Variants in MECOM observed in about 807,000 individuals in gnomAD.
MECOM encodes the protein histone-lysine N-methyltransferase MECOM.
MECOM carries 13 observed loss-of-function variants against 116.3 expected under a neutral mutation model. The observed-to-expected ratio is 0.11, with a 90% confidence interval of 0.07 to 0.18. MECOM has a LOEUF of 0.18. MECOM is among the 10% of genes least tolerant of loss of function. MECOM has a pLI of 1.00. For synonymous variants in MECOM, 528 were observed against 535.2 expected, an observed-to-expected ratio of 0.99 and a Z score of 0.19; for missense variants, 1,299 against 1,509.0, an observed-to-expected ratio of 0.86 and a Z score of 2.31.
At chr3:169,429,608 G>A (rs1219624706) in intron 1 of MECOM, among the ~76,000 whole-genome samples, 1 of 152,124 alleles carries the variant, frequency 6.6e-6, no homozygotes, top group African/African-American at 2.4e-5. Context: ...TTGAAAATTC[G>A]GCTCTAGAAA....
At chr3:169,240,015 A>T (rs1754588440) in intron 2 of MECOM, among the ~76,000 whole-genome samples, 1 of 152,228 alleles carries the variant, frequency 6.6e-6, no homozygotes, top group African/African-American at 2.4e-5. Context: ...CTACATTTTC[A>T]TAAAGTAGAA....
In MECOM at chr3:169,484,116, T is replaced by C. The variant is rs867479885; in HGVS notation, c.38-102592A>G. 3.7e-6 allele frequency: 3 copies of C among 816,750 alleles called. No homozygotes were observed. In the African/African-American group the frequency reaches 5.1e-5, roughly 14 times the overall value. 50.6% of individuals were successfully genotyped at this position (816,750 alleles called of 1,614,324 possible). On this transcript the variant is annotated intron_variant, in intron 1 of 16. Coordinates refer to ENST00000651503, the MANE Select transcript of MECOM (RefSeq NM_004991.4). ...TTATTCTGTTATATTTCAATTTCTC[T>C]AGTAAACAAAAAGTGATTCTTTTTA...
At chr3:169,274,939 A>G (rs1460108340) in intron 2 of MECOM, among the ~76,000 whole-genome samples, 1 of 152,246 alleles carries the variant, frequency 6.6e-6, no homozygotes, top group Non-Finnish European at 1.5e-5. Context: ...AAAAGTGCAC[A>G]AGAGGGAGTG....
intron 12 of MECOM, 103 bp downstream of exon 12, chr3:169,100,782 T>TTAAACTTTAATTATTA (rs1272168673): frequency 3.2e-6 from 2 of 629,896 alleles, no homozygotes; most frequent in African/African-American, 2.0e-5. Flanking sequence ...CGCATAAAAT[T>TTAAACTTTAATTATTA]TAAACTTTAA....
At chr3:169,472,625 A>T (rs1274841414) in intron 1 of MECOM, among the ~76,000 whole-genome samples, 1 of 80,682 alleles carries the variant, frequency 1.2e-5, no homozygotes, top group African/African-American at 7.6e-5. Context: ...AAGAAAAGAA[A>T]AGAAAAGAAA....
chr3:169,597,160 G>A (rs529636861), intron 1 of MECOM, among the ~76,000 whole-genome samples: 2 of 152,202 alleles, frequency 1.3e-5, no homozygotes, highest in Non-Finnish European at 2.9e-5. Flanking sequence ...GATACATTAA[G>A]AGATGTTCAA....
At chr3:169,490,687 G>T (rs1347805628) in intron 1 of MECOM, among the ~76,000 whole-genome samples, 1 of 152,054 alleles carries the variant, frequency 6.6e-6, no homozygotes. Flanking sequence ...TACAGTTAAA[G>T]TTCAAAAATG....
At chr3:169,393,722 T>C (rs1343061301) in intron 1 of MECOM, among the ~76,000 whole-genome samples, 1 of 152,280 alleles carries the variant, frequency 6.6e-6, no homozygotes, top group African/African-American at 2.4e-5. Flanking sequence ...CTGGTAAACC[T>C]TCTTTAACTG....
At chr3:169,341,094 A>G (rs1477941896) in intron 2 of MECOM, among the ~76,000 whole-genome samples, 2 of 152,230 alleles carry the variant, frequency 1.3e-5, no homozygotes, top group African/African-American at 4.8e-5. Flanking sequence ...AGGAATTTTA[A>G]GCATTATGTA....
chr3:169,140,133 A>G (rs1388747662), intron 3 of MECOM, among the ~76,000 whole-genome samples: 1 of 151,656 alleles, frequency 6.6e-6, no homozygotes, highest in Non-Finnish European at 1.5e-5. Context: ...TCCTTAACCA[A>G]CTCTCTGCTT....
chr3:169,238,174 CAAAAAAAA>C (rs869078937), intron 2 of MECOM, among the ~76,000 whole-genome samples: 1 of 72,078 alleles, frequency 1.4e-5, no homozygotes, highest in Non-Finnish European at 3.2e-5. Flanking sequence ...GACTCCATCT[CAAAAAAAA>C]AAAAAAAAGA....
At chr3:169,208,207 A>ATGTGTGTG (rs147356930) in intron 2 of MECOM, among the ~76,000 whole-genome samples, 82 of 147,962 alleles carry the variant, frequency 5.5e-4, no homozygotes, top group African/African-American at 1.8e-3. Context: ...ATATATATAT[A>ATGTGTGTG]TGTGTGTGTG....
intron 1 of MECOM, among the ~76,000 whole-genome samples, chr3:169,630,266 C>A (rs888279514): frequency 1.3e-5 from 2 of 152,034 alleles, no homozygotes; most frequent in Non-Finnish European, 2.9e-5. Context: ...GGCACAGGCA[C>A]AGAGAATTCT....
At chr3:169,110,369 C>T (rs1016024455) in intron 9 of MECOM, among the ~76,000 whole-genome samples, 1 of 152,136 alleles carries the variant, frequency 6.6e-6, no homozygotes, top group Non-Finnish European at 1.5e-5. Context: ...TTCCACATGC[C>T]AAGCACAATG....
intron 2 of MECOM, among the ~76,000 whole-genome samples, chr3:169,254,380 G>A (rs1756616995): frequency 1.3e-5 from 2 of 151,986 alleles, no homozygotes; most frequent in Non-Finnish European, 2.9e-5. Context: ...CCAAGAAATG[G>A]TCCAAGAATC....
At chr3:169,276,934 G>A (rs1759652990) in intron 2 of MECOM, among the ~76,000 whole-genome samples, 1 of 150,722 alleles carries the variant, frequency 6.6e-6, no homozygotes, top group African/African-American at 2.4e-5. Context: ...TTATTATAAG[G>A]CACAACATAT....
chr3:169,547,781 C>T (rs1417011995), intron 1 of MECOM, among the ~76,000 whole-genome samples: 1 of 151,980 alleles, frequency 6.6e-6, no homozygotes, highest in Non-Finnish European at 1.5e-5. Context: ...AAGGGGAGGG[C>T]AACTGGAGAC....
intron 3 of MECOM, among the ~76,000 whole-genome samples, chr3:169,137,204 G>T (rs1271683707): frequency 6.6e-6 from 1 of 152,066 alleles, no homozygotes; most frequent in Non-Finnish European, 1.5e-5. Flanking sequence ...AGAGGAGGTA[G>T]GTAGCCGTTT....
intron 2 of MECOM, among the ~76,000 whole-genome samples, chr3:169,357,866 G>A (rs1307848842): frequency 6.6e-6 from 1 of 151,764 alleles, no homozygotes; most frequent in Non-Finnish European, 1.5e-5. Flanking sequence ...AGGAAAAGAA[G>A]TCTATCATTT....
Sources: gnomAD v4.1 joint callset for allele counts (sites outside exome capture counted in the v4.1 genomes callset) on GRCh38, gnomAD v4.1.1 for gene constraint, MANE v1.5 for transcripts, NCBI Gene and HGNC (gene_info 2026-07-23, HGNC 2026-07-21) for gene names.